Variants in XRCC5 observed in about 807,000 individuals in gnomAD.
The protein encoded by XRCC5 is DNA repair protein Ku80.
In XRCC5, 12 loss-of-function variants were observed where a neutral mutation model predicts 95.7. That is an observed-to-expected ratio of 0.13 (90% CI 0.08 to 0.20). The LOEUF is 0.20. Among genes scored for constraint, XRCC5 ranks in the 10% least tolerant of loss-of-function variants. The pLI is 1.00. For synonymous variants in XRCC5, 281 were observed against 290.3 expected, an observed-to-expected ratio of 0.97 and a Z score of 0.33; for missense variants, 595 against 873.9, an observed-to-expected ratio of 0.68 and a Z score of 4.02.
At chr2:216,116,570 T>G in intron 2 of XRCC5, 89 bp from the exon 3 acceptor site, 1 of 1,484,522 alleles carries the variant, frequency 6.7e-7, no homozygotes, top group Admixed American at 1.9e-5. Flanking sequence ...CATAGGGAGG[T>G]CTGGTTGTCC....
At chr2:216,202,503 T>C (rs1689852876) in intron 19 of XRCC5, among the ~76,000 whole-genome samples, 1 of 152,212 alleles carries the variant, frequency 6.6e-6, no homozygotes, top group African/African-American at 2.4e-5. Flanking sequence ...CTGTCAGATA[T>C]CTTTATTCAT....
At chr2:216,146,449 A>T (rs1226219653) in intron 13 of XRCC5, among the ~76,000 whole-genome samples, 1 of 152,246 alleles carries the variant, frequency 6.6e-6, no homozygotes, top group African/African-American at 2.4e-5. Flanking sequence ...TGATAGGAGC[A>T]GTATTTTGAA....
intron 16 of XRCC5, among the ~76,000 whole-genome samples, chr2:216,162,526 C>T (rs947561775): frequency 6.6e-6 from 1 of 151,926 alleles, no homozygotes; most frequent in South Asian, 2.1e-4. Flanking sequence ...CTCAGCCTCC[C>T]GAGTAGCTGG....
At chr2:216,156,300 A>G in intron 14 of XRCC5, 4 of 589,182 alleles carry the variant, frequency 6.8e-6, no homozygotes, top group South Asian at 5.9e-5. Flanking sequence ...TTCCAAAGGC[A>G]GGAAGCAGAA....
rs1574469899 is a variant in XRCC5 at position 216,156,323 on chromosome 2, T to G, written c.1671-3745T>G. ...GCAGGAAGCAGAAGCAATATGATGCTGTGGAGGTACCTTTCTGAAACAGTC... is the reference window on the plus strand; with the variant it reads ...GCAGGAAGCAGAAGCAATATGATGCGGTGGAGGTACCTTTCTGAAACAGTC... On this transcript the variant is annotated intron_variant, in intron 14 of 20. Transcript: ENST00000392132. 7 of 648,576 alleles carry G rather than the reference T, an allele frequency of 1.1e-5. No individual in the cohort carries two copies. In the East Asian group the frequency reaches 2.5e-4, roughly 23 times the overall value. 40.2% of individuals were successfully genotyped at this position (648,576 alleles called of 1,614,324 possible).
At position 216,148,426 on chromosome 2, in the gene XRCC5, T is replaced by C. The variant is rs1688679668; in HGVS notation, c.1670+150T>C. On this transcript the variant is annotated intron_variant, in intron 14 of 20. Coordinates refer to ENST00000392132, the MANE Select transcript of XRCC5 (RefSeq NM_021141.4). ...GCTATTTGGCCCTTATATTGAAATA[T>C]TGATTTCTTATATCTGTCTGCTGTG... 1.3e-5 allele frequency: 9 copies of C among 684,890 alleles called. No homozygotes were observed. The Middle Eastern group carries it at 1.6e-3, about 125-fold the overall frequency. The allele number at this position is 684,890 out of a possible 1,614,324, so 42.4% of individuals were successfully genotyped here. A position where few individuals can be genotyped will look rare whatever the true frequency, so the allele number is the denominator to read the frequency against.
intron 9 of XRCC5, among the ~76,000 whole-genome samples, chr2:216,131,346 G>A (rs971674542): frequency 2.6e-5 from 4 of 152,166 alleles, no homozygotes; most frequent in Non-Finnish European, 1.5e-5. Flanking sequence ...CAACTCTAGA[G>A]GTGGGAGGGC....
chr2:216,193,655 A>G (rs1689661009), intron 18 of XRCC5, among the ~76,000 whole-genome samples: 1 of 152,100 alleles, frequency 6.6e-6, no homozygotes, highest in Non-Finnish European at 1.5e-5. Context: ...TCTGCTGTTG[A>G]CCCCGTAAAT....
At chr2:216,140,383 A>G (rs1574462521) in intron 12 of XRCC5, among the ~76,000 whole-genome samples, 2 of 152,354 alleles carry the variant, frequency 1.3e-5, no homozygotes, top group East Asian at 3.9e-4. Flanking sequence ...CTGCTGTATG[A>G]ATCAGTAAAA....
chr2:216,112,978 C>G (rs41296930), intron 1 of XRCC5, 38 bp from the exon 2 acceptor site: 59,264 of 1,515,146 alleles, frequency 0.039, 1,378 homozygotes, highest in Non-Finnish European at 0.047. Context: ...TTTCTTACGA[C>G]TTATTTTCTC....
intron 6 of XRCC5, among the ~76,000 whole-genome samples, chr2:216,122,474 T>C (rs1419480318): frequency 6.6e-6 from 1 of 152,196 alleles, no homozygotes; most frequent in African/African-American, 2.4e-5. Flanking sequence ...AGGACCTGTG[T>C]CAGTGAAGTT....
chr2:216,193,575 C>CA (rs1689659214), intron 18 of XRCC5, among the ~76,000 whole-genome samples: 2 of 152,206 alleles, frequency 1.3e-5, no homozygotes, highest in Non-Finnish European at 2.9e-5. Context: ...AGCCCTTTAA[C>CA]TTCTGCACTG....
In XRCC5 at chr2:216,129,684, TC is replaced by T. The variant is rs1465919159; in HGVS notation, c.938-1190del. 2.6e-5 allele frequency among the ~76,000 whole-genome samples: 4 copies of T among 152,336 alleles called. No individual in the cohort carries two copies. The East Asian group carries it at 7.7e-4, about 29-fold the overall frequency. On this transcript the variant is annotated intron_variant, in intron 8 of 20. Coordinates refer to ENST00000392132, the MANE Select transcript of XRCC5 (RefSeq NM_021141.4). ...ACATACATGGAAATAAAAATGTGTTTCTATTTTGAGACGGAGTCTTGCTCTG... is the reference window on the plus strand; with the variant it reads ...ACATACATGGAAATAAAAATGTGTTTTATTTTGAGACGGAGTCTTGCTCTG...
In XRCC5 at chr2:216,116,692, G is replaced by C. The variant is rs1559236741; in HGVS notation, c.169G>C (p.Val57Leu). The change falls in exon 3 of 21, where the codon GTC (valine) becomes CTC (leucine). Residue 57 changes from valine to leucine, a missense_variant. Physicochemically the swap from Val to Leu is conservative, Grantham distance 32. This residue lies in a region of XRCC5 where 286 missense variants were observed against 491.1 expected (regional missense o/e 0.58). Coordinates refer to ENST00000392132, the MANE Select transcript of XRCC5 (RefSeq NM_021141.4). ...FAENKDEIAL[V>L]LFGTDGTDNP... ...TGAGAACAAGGATGAGATTGCTTTAGTCCTGTTTGGTACAGATGGCACTGA... is the reference window on the plus strand; with the variant it reads ...TGAGAACAAGGATGAGATTGCTTTACTCCTGTTTGGTACAGATGGCACTGA... 1.9e-6 allele frequency: 3 copies of C among 1,614,144 alleles called. No homozygotes were observed. Among genetic ancestry groups the C allele is most frequent in the Non-Finnish European group, 2.5e-6 (3 of 1,180,014 alleles).
intron 14 of XRCC5, among the ~76,000 whole-genome samples, chr2:216,150,114 A>G (rs1027786070): frequency 1.3e-5 from 2 of 152,190 alleles, no homozygotes; most frequent in African/African-American, 4.8e-5. Context: ...TTCCAAGGAA[A>G]GAAAAAATTG....
At chr2:216,187,821 A>ACTCTCTCTCTCTCTCT (rs371097633) in intron 16 of XRCC5, among the ~76,000 whole-genome samples, 8 of 47,972 alleles carry the variant, frequency 1.7e-4, no homozygotes, top group African/African-American at 5.0e-4. Context: ...ACACACACAC[A>ACTCTCTCTCTCTCTCT]CTCTCTCTCT....
chr2:216,110,349 A>G (rs1696564326), intron 1 of XRCC5: 1 of 152,236 alleles, frequency 6.6e-6, no homozygotes, highest in South Asian at 2.1e-4. Context: ...CAGATAAACA[A>G]GATACGAGTT....
At chr2:216,137,941 C>T in intron 11 of XRCC5, 148 bp from the exon 12 acceptor site, 1 of 637,004 alleles carries the variant, frequency 1.6e-6, no homozygotes. Flanking sequence ...TAGCAGAAGT[C>T]AAAACACTTC....
intron 19 of XRCC5, among the ~76,000 whole-genome samples, chr2:216,197,445 CA>C (rs1574436256): frequency 3.2e-5 from 3 of 92,650 alleles, no homozygotes; most frequent in African/African-American, 1.4e-4. Flanking sequence ...AACTCTGTCC[CA>C]GGAAAAAAAA....
Sources: gnomAD v4.1 joint callset for allele counts (sites outside exome capture counted in the v4.1 genomes callset) on GRCh38, gnomAD v4.1.1 for gene constraint, gnomAD v4.1.1 regional missense constraint, MANE v1.5 for transcripts, NCBI Gene and HGNC (gene_info 2026-07-23, HGNC 2026-07-21) for gene names.